The following RDH10 variants were observed in gnomAD, a reference collection of about 807,000 sequenced individuals.
The protein encoded by RDH10 is retinol dehydrogenase 10, also known as retinol dehydrogenase 10 (all-trans).
RDH10 carries 12 observed loss-of-function variants against 30.2 expected under a neutral mutation model. The observed-to-expected ratio is 0.40, with a 90% confidence interval of 0.25 to 0.64. The LOEUF is 0.64. Among genes scored for constraint, RDH10 ranks in the 30% least tolerant of loss-of-function variants. The pLI, the probability that RDH10 is intolerant of heterozygous loss-of-function variation, is 0.43. For synonymous variants in RDH10, 189 were observed against 172.2 expected (o/e 1.10, Z -0.76); for missense variants, 268 against 445.2 (o/e 0.60, Z 3.58).
At chr8:73,298,567 C>T (rs1814319667) in intron 2 of RDH10, among the ~76,000 whole-genome samples, 1 of 152,120 alleles carries the variant, frequency 6.6e-6, no homozygotes, top group Admixed American at 6.6e-5. Flanking sequence ...CTCACTCTGT[C>T]ACCCAGGCTG....
chr8:73,309,709 T>C (rs1814530311), intron 2 of RDH10, among the ~76,000 whole-genome samples: 1 of 151,552 alleles, frequency 6.6e-6, no homozygotes, highest in Admixed American at 6.6e-5. Flanking sequence ...CAATCATCAC[T>C]GGAGTATACG....
chr8:73,303,006 A>T (rs1201917926), intron 2 of RDH10, among the ~76,000 whole-genome samples: 1 of 152,256 alleles, frequency 6.6e-6, no homozygotes, highest in Non-Finnish European at 1.5e-5. Context: ...TCTGTCAAAT[A>T]GCTAGTAGGT....
At chr8:73,302,299 G>A (rs994697763) in intron 2 of RDH10, among the ~76,000 whole-genome samples, 4 of 152,168 alleles carry the variant, frequency 2.6e-5, no homozygotes, top group Admixed American at 2.6e-4. Context: ...ACAAGACCAT[G>A]GAAAATGAAT....
chr8:73,308,041 G>A (rs966699602), intron 2 of RDH10, among the ~76,000 whole-genome samples: 1 of 152,168 alleles, frequency 6.6e-6, no homozygotes, highest in Non-Finnish European at 1.5e-5. Flanking sequence ...TGAGAATAGT[G>A]TAGTGCATCC....
intron 2 of RDH10, among the ~76,000 whole-genome samples, chr8:73,305,554 T>G (rs1814451962): frequency 6.6e-6 from 1 of 152,246 alleles, no homozygotes. Context: ...AATGTGCAGA[T>G]GACATGCTAT....
At chr8:73,297,825 GA>G (rs1218457138) in intron 2 of RDH10, 11 of 228,822 alleles carry the variant, frequency 4.8e-5, no homozygotes, top group South Asian at 3.3e-4. Flanking sequence ...CCACATTTTG[GA>G]AAGTGCCAAA....
At chr8:73,296,495 G>T (rs1814269290) in intron 1 of RDH10, among the ~76,000 whole-genome samples, 1 of 152,076 alleles carries the variant, frequency 6.6e-6, no homozygotes, top group African/African-American at 2.4e-5. Flanking sequence ...AGCAAATACA[G>T]ATTTTTGTGC....
rs1312420097 is a variant in RDH10, at chr8:73,323,473, C to T, written c.*437C>T. On this transcript the variant is annotated 3_prime_UTR_variant, in exon 6 of 6. Coordinates refer to ENST00000240285, the MANE Select transcript of RDH10 (RefSeq NM_172037.5). The stretch of plus-strand genomic sequence containing the variant: ...AAGGACTGATAGTGCTGTATTTTCT[C>T]ACGTTTTCTAAGTTTCCGTTTTGCA... The T allele has an allele frequency of 6.3e-6, 1 of 158,926 alleles. No individual in the cohort carries two copies. Among genetic ancestry groups the T allele is most frequent in the East Asian group, 1.8e-4 (1 of 5,554 alleles). The allele number at this position is 158,926 out of a possible 1,614,324, so 9.8% of individuals were successfully genotyped here.
intron 2 of RDH10, among the ~76,000 whole-genome samples, chr8:73,313,620 A>G (rs1446852255): frequency 6.6e-6 from 1 of 152,200 alleles, no homozygotes; most frequent in East Asian, 1.9e-4. Flanking sequence ...AAATAAGAAA[A>G]TCCCTAGGCC....
At chr8:73,315,765 AG>A (rs1359442225) in intron 2 of RDH10, among the ~76,000 whole-genome samples, 3 of 152,218 alleles carry the variant, frequency 2.0e-5, no homozygotes, top group African/African-American at 7.2e-5. Flanking sequence ...AGGTTCTGAT[AG>A]GAATTTGATA....
intron 2 of RDH10, among the ~76,000 whole-genome samples, chr8:73,309,884 C>T (rs1420156060): frequency 3.9e-5 from 6 of 152,068 alleles, no homozygotes; most frequent in African/African-American, 1.2e-4. Flanking sequence ...GCTTCAACAT[C>T]CTTCCATGCA....
At chr8:73,311,696 T>A (rs1814565939) in intron 2 of RDH10, 1 of 152,222 alleles carries the variant, frequency 6.6e-6, no homozygotes, top group African/African-American at 2.4e-5. Flanking sequence ...TGTTCTTTAG[T>A]CTCTCCTCTA....
intron 2 of RDH10, among the ~76,000 whole-genome samples, chr8:73,304,001 T>A (rs1208268367): frequency 6.6e-6 from 1 of 152,174 alleles, no homozygotes; most frequent in South Asian, 2.1e-4. Flanking sequence ...ATTTCTAACC[T>A]AAATGAAAAA....
At chr8:73,305,042 A>G (rs560696328) in intron 2 of RDH10, among the ~76,000 whole-genome samples, 19 of 152,332 alleles carry the variant, frequency 1.2e-4, no homozygotes, top group Admixed American at 5.9e-4. Flanking sequence ...AAATCAATCT[A>G]TAGGATATGT....
chr8:73,322,392 G>A, intron 4 of RDH10: 1 of 326,178 alleles, frequency 3.1e-6, no homozygotes, highest in Non-Finnish European at 5.7e-6. Flanking sequence ...CAAAACATAG[G>A]AAAATAATTT....
At chr8:73,321,124 G>C in intron 4 of RDH10, 47 bp downstream of exon 4, 1 of 1,483,520 alleles carries the variant, frequency 6.7e-7, no homozygotes, top group Non-Finnish European at 9.3e-7. Context: ...TATGTTGGGA[G>C]AATATGTGGA....
chr8:73,320,951 T>A lies in RDH10; in HGVS notation c.644T>A (p.Phe215Tyr). The change falls in exon 4 of 6, where the codon TTT (phenylalanine) becomes TAT (tyrosine). Residue 215 changes from phenylalanine to tyrosine, a missense_variant. By Grantham distance (22) the Phe-to-Tyr change is conservative. Coordinates refer to ENST00000240285, the MANE Select transcript of RDH10 (RefSeq NM_172037.5). ...AGVEDYCASK[F>Y]GVVGFHESLS... ...ACTCAGGATTACTGTGCCAGTAAAT[T>A]TGGAGTTGTGGGTTTTCATGAATCC... 3.1e-6 allele frequency: 5 copies of A among 1,614,094 alleles called. No homozygotes were observed. Among genetic ancestry groups the A allele is most frequent in the Non-Finnish European group, 4.2e-6 (5 of 1,180,000 alleles).
chr8:73,309,179 A>T (rs1476473119), intron 2 of RDH10, among the ~76,000 whole-genome samples: 1 of 151,990 alleles, frequency 6.6e-6, no homozygotes, highest in Non-Finnish European at 1.5e-5. Context: ...ATCTAGGTTT[A>T]TTTTTTAAAT....
In RDH10 at chr8:73,295,336, G is replaced by T; in HGVS notation, c.47G>T (p.Trp16Leu). 1 of 1,564,124 alleles carries T rather than the reference G, an allele frequency of 6.4e-7. No homozygotes were observed. The highest frequency in any genetic ancestry group is 2.4e-5 in the East Asian group (1 of 41,862). ...EFFVVTFKVL[W>L]AFVLAAARWL... ...TTCGTGGTCACTTTCAAAGTGCTCT[G>T]GGCGTTCGTGCTGGCCGCGGCGCGC... The change falls in exon 1 of 6, where the codon TGG (tryptophan) becomes TTG (leucine). Residue 16 changes from tryptophan (W) to leucine (L), a missense_variant. Coordinates refer to ENST00000240285, the MANE Select transcript of RDH10 (RefSeq NM_172037.5).
Sources: allele counts gnomAD v4.1 joint callset (sites outside exome capture counted in the v4.1 genomes callset), GRCh38; gene constraint gnomAD v4.1.1; transcripts MANE v1.5; gene names NCBI Gene and HGNC (gene_info 2026-07-23, HGNC 2026-07-21).